Variants in ADHFE1 observed in about 807,000 individuals in gnomAD.
ADHFE1 encodes hydroxyacid-oxoacid transhydrogenase, mitochondrial.
A neutral mutation model predicts 54.8 loss-of-function variants in ADHFE1; 37 were observed. That is an observed-to-expected ratio of 0.68 (90% CI 0.52 to 0.89). The LOEUF (loss-of-function observed/expected upper bound fraction) is 0.89. ADHFE1 is among the 40% of genes least tolerant of loss of function. ADHFE1 has a pLI of 0.00. For synonymous variants in ADHFE1, 203 were observed against 229.3 expected (o/e 0.89, Z 1.04); for missense variants, 601 against 591.2 (o/e 1.02, Z -0.17).
intron 12 of ADHFE1, among the ~76,000 whole-genome samples, chr8:66,457,479 C>CA (rs34484813): frequency 0.22 from 28,237 of 130,038 alleles, 2,991 homozygotes; most frequent in Admixed American, 0.29. Flanking sequence ...CTCTCTCTCT[C>CA]AAAAAAAAAA....
At chr8:66,446,528 A>G (rs1193040710) in intron 6 of ADHFE1, among the ~76,000 whole-genome samples, 2 of 152,230 alleles carry the variant, frequency 1.3e-5, no homozygotes, top group African/African-American at 4.8e-5. Flanking sequence ...CATGATTAAC[A>G]TACATACATG....
At chr8:66,437,372 A>T (rs376873847) in intron 1 of ADHFE1, among the ~76,000 whole-genome samples, 52 of 152,070 alleles carry the variant, frequency 3.4e-4, no homozygotes, top group African/African-American at 1.1e-3. Flanking sequence ...TGTGGCTAAG[A>T]GGTAATCAGT....
chr8:66,452,831 A>G (rs550350737), intron 9 of ADHFE1, among the ~76,000 whole-genome samples: 1 of 152,368 alleles, frequency 6.6e-6, no homozygotes, highest in African/African-American at 2.4e-5. Flanking sequence ...CAGCAAAGAT[A>G]TACTTAGGAT....
chr8:66,439,409 A>G lies in ADHFE1; in HGVS notation c.60-753A>G. The G allele has an allele frequency of 2.0e-6, 2 of 985,916 alleles. No individual in the cohort carries two copies. The highest frequency in any genetic ancestry group is 1.2e-6 in the Non-Finnish European group (1 of 830,188). The allele number at this position is 985,916 out of a possible 1,614,324, so 61.1% of individuals were successfully genotyped here. ...GAGGAGAGACTGGGACTGTCCAGGA[A>G]ATAGGAGACGACCAGGACAGGAAGA... On this transcript the variant is annotated intron_variant, in intron 1 of 13. Transcript: ENST00000396623. The surrounding 1 kb of genome is among the most constrained non-coding windows in gnomAD (Gnocchi z 4.4).
At chr8:66,443,264 ATTTTTT>A (rs540464621) in intron 3 of ADHFE1, among the ~76,000 whole-genome samples, 4 of 86,090 alleles carry the variant, frequency 4.6e-5, no homozygotes, top group African/African-American at 1.7e-4. Context: ...TAGTCCAGGA[ATTTTTT>A]TTTTTTTTTT....
Position 66,444,728 on chromosome 8 carries a change from A to G in ADHFE1, c.333A>G (p.Arg111=). 1 of 1,614,138 alleles carries G rather than the reference A, an allele frequency of 6.2e-7. No individual in the cohort carries two copies. The highest frequency in any genetic ancestry group is 8.5e-7 in the Non-Finnish European group (1 of 1,180,032). Residue 111 remains arginine (R), a synonymous_variant, in exon 5 of 14, where the codon AGA becomes AGG. Coordinates refer to ENST00000396623, the MANE Select transcript of ADHFE1 (RefSeq NM_144650.3). ...GIPFTVYDNV[R]VEPTDSSFME... The stretch of plus-strand genomic sequence containing the variant: ...CCTTTACGGTTTATGATAATGTGAG[A>G]GTGGAACCAACGGATTCAAGGTATT...
Position 66,468,451 on chromosome 8 carries a change from T to G in ADHFE1, c.*99T>G. ...TGTCTTTTCATCTTTGCGCATAACT[T>G]ACCTGTTACCAGTATAGGTGGGATA... On this transcript the variant is annotated 3_prime_UTR_variant, in exon 14 of 14. Coordinates refer to ENST00000396623, the MANE Select transcript of ADHFE1 (RefSeq NM_144650.3). 1.4e-5 allele frequency: 12 copies of G among 880,754 alleles called. No individual in the cohort carries two copies. Among genetic ancestry groups the G allele is most frequent in the South Asian group, 1.7e-5 (1 of 57,796 alleles). The allele number at this position is 880,754 out of a possible 1,614,324, so 54.6% of individuals were successfully genotyped here.
intron 1 of ADHFE1, among the ~76,000 whole-genome samples, chr8:66,438,980 G>A (rs1239617729): frequency 1.3e-5 from 2 of 151,610 alleles, no homozygotes; most frequent in African/African-American, 4.9e-5. Context: ...CACTTTTCTT[G>A]TCATTAGAGG....
intron 11 of ADHFE1, 77 bp downstream of exon 11, chr8:66,456,972 G>T (rs144017423): frequency 1.4e-6 from 2 of 1,464,350 alleles, no homozygotes; most frequent in Admixed American, 2.2e-5. Flanking sequence ...GCCAATTCTC[G>T]CCTGCTTAGA....
chr8:66,465,150 A>C (rs1348184220), intron 13 of ADHFE1, among the ~76,000 whole-genome samples: 1 of 152,162 alleles, frequency 6.6e-6, no homozygotes, highest in Admixed American at 6.5e-5. Flanking sequence ...CCACCTTTTG[A>C]CTATTATGAA....
chr8:66,438,954 T>A (rs2130352385), intron 1 of ADHFE1, among the ~76,000 whole-genome samples: 1 of 152,100 alleles, frequency 6.6e-6, no homozygotes, highest in South Asian at 2.1e-4. Context: ...TGGATTTTTT[T>A]TTCCTTCCCT....
intron 2 of ADHFE1, among the ~76,000 whole-genome samples, chr8:66,441,968 T>C (rs1275066880): frequency 1.4e-5 from 2 of 146,584 alleles, no homozygotes; most frequent in African/African-American, 2.5e-5. Flanking sequence ...CAAAACTCCA[T>C]CTCAAAAAAA....
intron 7 of ADHFE1, among the ~76,000 whole-genome samples, 167 bp downstream of exon 7, chr8:66,447,508 A>G (rs1806091268): frequency 6.6e-6 from 1 of 152,244 alleles, no homozygotes; most frequent in South Asian, 2.1e-4. Flanking sequence ...TATATTTCAG[A>G]GTAGCTAGAA....
Position 66,432,544 on chromosome 8 carries a change from G to T in ADHFE1, c.28G>T (p.Ala10Ser), listed in dbSNP as rs1273464809. 5.9e-6 allele frequency: 8 copies of T among 1,357,484 alleles called. No individual in the cohort carries two copies. The highest frequency in any genetic ancestry group is 7.7e-6 in the Non-Finnish European group (8 of 1,044,574). The allele number at this position is 1,357,484 out of a possible 1,614,324, so 84.1% of individuals were successfully genotyped here. The change falls in exon 1 of 14, where the codon GCG (alanine) becomes TCG (serine). Residue 10 changes from alanine (A) to serine (S), a missense_variant. Physicochemically the swap from Ala to Ser is moderately conservative, Grantham distance 99. Coordinates refer to ENST00000396623, the MANE Select transcript of ADHFE1 (RefSeq NM_144650.3). ...GGCCGCTGCCGCCCGAGCCCGGGTC[G>T]CGTACTTGCTGAGGCAACTGCAACG... MAAAARARVAYLLRQLQRAA... is the reference protein window; with the variant it reads MAAAARARVSYLLRQLQRAA...
At position 66,449,955 on chromosome 8, in the gene ADHFE1, CA is replaced by C. The variant is rs35001573; in HGVS notation, c.734+993del. On this transcript the variant is annotated intron_variant, in intron 8 of 13. Transcript: ENST00000396623. ...GCAACAAAGTGACACCTCATCTCCA[CA>C]AAAAAAAGTTTTACAAATTAGTCAA... Among the ~76,000 whole-genome samples the C allele has an allele frequency of 5.7e-3, 860 of 152,010 alleles. 8 individuals carry two copies. The highest frequency in any genetic ancestry group is 9.6e-3 in the Non-Finnish European group (651 of 67,968).
rs562550101 is a variant in ADHFE1 at position 66,457,139 on chromosome 8, C to T, written c.1135C>T (p.Arg379Ter). The change falls in exon 12 of 14, where the codon CGA becomes TGA. Residue 379 changes from arginine to a stop codon, truncating the protein, a stop_gained. Transcript: ENST00000396623. LOFTEE classifies it high-confidence loss of function. The stretch of plus-strand genomic sequence containing the variant: ...TTTCACGGCCCAGATGTTTCCAGAG[C>T]GACACCTGGAGATGGCAGAAATACT... ...FTFTAQMFPERHLEMAEILGA... is the reference protein window; with the variant it reads ...FTFTAQMFPE The T allele has an allele frequency of 1.2e-5, 19 of 1,613,382 alleles. No individual in the cohort carries two copies. In the Admixed American group the frequency reaches 1.7e-4, roughly 14 times the overall value.
intron 8 of ADHFE1, among the ~76,000 whole-genome samples, chr8:66,450,400 C>A (rs1191851794): frequency 6.6e-6 from 1 of 152,134 alleles, no homozygotes; most frequent in African/African-American, 2.4e-5. Context: ...CAAGTACTGC[C>A]CAAGGGAAAG....
chr8:66,443,264 A>ATTTTTTTTTTTTTTTTTTTTTTTT (rs540464621), intron 3 of ADHFE1, among the ~76,000 whole-genome samples: 1 of 86,100 alleles, frequency 1.2e-5, no homozygotes, highest in Non-Finnish European at 2.4e-5. Context: ...TAGTCCAGGA[A>ATTTTTTTTTTTTTTTTTTTTTTTT]TTTTTTTTTT....
chr8:66,465,408 G>A (rs1807117295), intron 13 of ADHFE1, among the ~76,000 whole-genome samples: 2 of 152,120 alleles, frequency 1.3e-5, no homozygotes, highest in Non-Finnish European at 2.9e-5. Context: ...GTGTGTAATA[G>A]CCATTCTAAT....
Sources: gnomAD v4.1 joint callset for allele counts (sites outside exome capture counted in the v4.1 genomes callset) on GRCh38, gnomAD v4.1.1 for gene constraint, Gnocchi (gnomAD v3.1) non-coding constraint, MANE v1.5 for transcripts, NCBI Gene and HGNC (gene_info 2026-07-23, HGNC 2026-07-21) for gene names.